Variants in LRP6 observed in about 807,000 individuals in gnomAD.
LRP6 encodes the protein low-density lipoprotein receptor-related protein 6.
Under a neutral mutation model 184.1 loss-of-function variants are expected in LRP6, and 43 were observed. The ratio of observed to expected loss-of-function variants is 0.23; its 90% CI spans 0.18 to 0.30. The LOEUF is 0.30. LRP6 is among the 10% of genes least tolerant of loss of function. The pLI is 1.00. For missense variants in LRP6, 1,571 were observed against 2,005.3 expected (o/e 0.78, Z 4.14); for synonymous variants, 719 against 684.9 (o/e 1.05, Z -0.78).
chr12:12,130,041 T>C (rs1949726417), intron 19 of LRP6, among the ~76,000 whole-genome samples: 1 of 152,182 alleles, frequency 6.6e-6, no homozygotes. Flanking sequence ...GATATATATG[T>C]TAAATCATTT....
intron 1 of LRP6, among the ~76,000 whole-genome samples, chr12:12,263,246 CAA>C (rs1341173393): frequency 7.1e-6 from 1 of 140,344 alleles, no homozygotes; most frequent in African/African-American, 2.7e-5. Context: ...GCCTGAGCAA[CAA>C]GAGCGAAACT....
At chr12:12,256,513 A>C (rs1565724846) in intron 1 of LRP6, among the ~76,000 whole-genome samples, 1 of 151,930 alleles carries the variant, frequency 6.6e-6, no homozygotes, top group African/African-American at 2.4e-5. Context: ...GCTCAAAACA[A>C]ACAAACAAAC....
chr12:12,232,383 C>T (rs1192584371), intron 2 of LRP6, among the ~76,000 whole-genome samples: 2 of 105,598 alleles, frequency 1.9e-5, no homozygotes, highest in African/African-American at 7.0e-5. Flanking sequence ...GACGCTGTCT[C>T]AAAAAAAAAA....
chr12:12,233,068 G>A (rs994526880), intron 2 of LRP6, among the ~76,000 whole-genome samples: 2 of 152,222 alleles, frequency 1.3e-5, no homozygotes, highest in Non-Finnish European at 2.9e-5. Flanking sequence ...TACCTATGAG[G>A]CATTCATGTC....
At chr12:12,234,991 T>C (rs182632914) in intron 2 of LRP6, among the ~76,000 whole-genome samples, 15 of 151,922 alleles carry the variant, frequency 9.9e-5, no homozygotes. Context: ...GGGGAAAGAC[T>C]GGAAAAAAGG....
rs1441606628 is a variant in LRP6, at chr12:12,239,539, C to T, written c.449+4723G>A. ...CCTAGTTCACAAATTAGCTGACAAA[C>T]CCCTCCTTCCAAAATCTTAAAGATT... On this transcript the variant is annotated intron_variant, in intron 2 of 22. Transcript: ENST00000261349. Among the ~76,000 whole-genome samples, 5 of 152,218 alleles carry T rather than the reference C, an allele frequency of 3.3e-5. No individual in the cohort carries two copies. The East Asian group carries it at 9.6e-4, about 29-fold the overall frequency.
At chr12:12,131,669 C>T in intron 18 of LRP6, 152 bp downstream of exon 18, 1 of 737,318 alleles carries the variant, frequency 1.4e-6, no homozygotes, top group Non-Finnish European at 2.5e-6. Context: ...TGAATTAAAA[C>T]AATAATATGG....
At chr12:12,167,389 A>G (rs1225259288) in intron 7 of LRP6, among the ~76,000 whole-genome samples, 1 of 152,184 alleles carries the variant, frequency 6.6e-6, no homozygotes. Flanking sequence ...CACGCCTGTA[A>G]TCCCAGCATT....
chr12:12,143,943 T>C (rs1006573359), intron 15 of LRP6, among the ~76,000 whole-genome samples: 20 of 152,244 alleles, frequency 1.3e-4, no homozygotes, highest in African/African-American at 4.3e-4. Flanking sequence ...AAAACCATAG[T>C]GTACGTTGTA....
intron 1 of LRP6, among the ~76,000 whole-genome samples, chr12:12,266,190 A>G (rs1865753718): frequency 6.6e-6 from 1 of 152,174 alleles, no homozygotes; most frequent in African/African-American, 2.4e-5. Context: ...ATTACCTGTA[A>G]CAAGGCCTGG....
chr12:12,255,423 A>T (rs912513782), intron 1 of LRP6, among the ~76,000 whole-genome samples: 67 of 57,868 alleles, frequency 1.2e-3, no homozygotes, highest in Non-Finnish European at 3.2e-3. Context: ...CCTTTCTATA[A>T]AAAAAAAAAA....
chr12:12,224,984 C>T (rs1018707096), intron 2 of LRP6, among the ~76,000 whole-genome samples: 1 of 152,218 alleles, frequency 6.6e-6, no homozygotes, highest in Admixed American at 6.5e-5. Context: ...GCAGGCGGAT[C>T]ACCTGAGGTC....
chr12:12,123,223 A>G (rs372708737), intron 22 of LRP6, among the ~76,000 whole-genome samples: 34 of 152,342 alleles, frequency 2.2e-4, no homozygotes, highest in African/African-American at 7.2e-4. Context: ...TGCCTTAGTC[A>G]ATTTGAATTA....
At position 12,135,696 on chromosome 12, in the gene LRP6, G is replaced by A. The variant is rs139757214; in HGVS notation, c.3608-396C>T. 6.8e-4 allele frequency among the ~76,000 whole-genome samples: 103 copies of A among 151,676 alleles called. 1 individual carries two copies. In the Middle Eastern group the frequency reaches 0.034, roughly 50 times the overall value. Reference sequence around the variant, plus strand: ...TTTAGTAAAGATGGAATTTTACCATGGTGGTCAGGTTGGTCCAGCTTGGAC... The same window carrying A: ...TTTAGTAAAGATGGAATTTTACCATAGTGGTCAGGTTGGTCCAGCTTGGAC... On this transcript the variant is annotated intron_variant, in intron 16 of 22. Transcript: ENST00000261349.
Position 12,184,049 on chromosome 12 carries a change from T to C in LRP6, c.907A>G (p.Lys303Glu), listed in dbSNP as rs773913563. The change falls in exon 5 of 23, where the codon AAG becomes GAG. Residue 303 changes from lysine to glutamate, a missense_variant. Physicochemically the swap from Lys to Glu is moderately conservative, Grantham distance 56. Transcript: ENST00000261349. ...CSHLCLMSPV[K>E]PFYQCACPTG... Reference sequence around the variant, plus strand: ...GGGCAAGCACACTGATAAAAAGGCTTGACTGGAGACATCAAACACAAATGG... The same window carrying C: ...GGGCAAGCACACTGATAAAAAGGCTCGACTGGAGACATCAAACACAAATGG... The C allele has an allele frequency of 6.2e-7, 1 of 1,613,732 alleles. No individual in the cohort carries two copies. The highest frequency in any genetic ancestry group is 8.5e-7 in the Non-Finnish European group (1 of 1,179,616).
intron 21 of LRP6, 114 bp downstream of exon 21, chr12:12,125,182 A>G (rs1277630687): frequency 1.5e-6 from 2 of 1,304,478 alleles, no homozygotes; most frequent in Admixed American, 3.5e-5. Flanking sequence ...TTATGCCTAA[A>G]TTTTACATTC....
chr12:12,215,138 C>T (rs1864307861), intron 2 of LRP6, among the ~76,000 whole-genome samples: 1 of 152,160 alleles, frequency 6.6e-6, no homozygotes, highest in Non-Finnish European at 1.5e-5. Context: ...CTAGACCAAA[C>T]CCCTGGTGTT....
At position 12,130,703 on chromosome 12, in the gene LRP6, A is replaced by G. The variant is rs554341072; in HGVS notation, c.4081+80T>C. On this transcript the variant is annotated intron_variant, in intron 19 of 22. Transcript: ENST00000261349. The stretch of plus-strand genomic sequence containing the variant: ...CTTATTACTTAGAAAGGAAATCTCG[A>G]TAAGTAAACCTCACACATAAGAAAA... The G allele has an allele frequency of 1.3e-4, 102 of 812,656 alleles. No homozygotes were observed. The East Asian group carries it at 2.4e-3, about 19-fold the overall frequency. 50.3% of individuals were successfully genotyped at this position (812,656 alleles called of 1,614,324 possible). A position where few individuals can be genotyped will look rare whatever the true frequency, so the allele number is the denominator to read the frequency against.
chr12:12,145,624 C>CTTTTT (rs1157764946), intron 15 of LRP6, among the ~76,000 whole-genome samples: 18 of 80,342 alleles, frequency 2.2e-4, no homozygotes, highest in Non-Finnish European at 2.6e-4. Flanking sequence ...TTTTCTTTTT[C>CTTTTT]TTTTTTTTTT....
Sources: gnomAD v4.1 joint callset for allele counts (sites outside exome capture counted in the v4.1 genomes callset) on GRCh38, gnomAD v4.1.1 for gene constraint, MANE v1.5 for transcripts, NCBI Gene and HGNC (gene_info 2026-07-23, HGNC 2026-07-21) for gene names.